HMBOX1: variants seen among roughly 807,000 people sequenced by gnomAD.
HMBOX1 encodes the protein homeobox containing 1.
HMBOX1 carries 14 observed loss-of-function variants against 54.5 expected under a neutral mutation model. The ratio of observed to expected loss-of-function variants is 0.26; its 90% CI spans 0.17 to 0.40. HMBOX1 has a LOEUF of 0.40. Among genes scored for constraint, HMBOX1 ranks in the 10% least tolerant of loss-of-function variants. HMBOX1 has a pLI of 1.00. For missense variants in HMBOX1, 332 were observed against 514.4 expected, an observed-to-expected ratio of 0.65 and a Z score of 3.43; for synonymous variants, 160 against 181.0, an observed-to-expected ratio of 0.88 and a Z score of 0.93.
intron 4 of HMBOX1, among the ~76,000 whole-genome samples, chr8:28,992,134 G>A (rs912729183): frequency 6.6e-6 from 1 of 152,134 alleles, no homozygotes; most frequent in African/African-American, 2.4e-5. Flanking sequence ...CGACTTTGAG[G>A]ATGGACTGTC....
chr8:28,954,573 C>G lies in HMBOX1; in HGVS notation c.-57-9238C>G, dbSNP rs74513622. ...TATGCCAAGCTGTACAATGTAAATT[C>G]AATTTTAAATCACCACTAACATATT... On this transcript the variant is annotated intron_variant, in intron 1 of 9. Transcript: ENST00000287701. Among the ~76,000 whole-genome samples, 870 of 152,272 alleles carry G rather than the reference C, an allele frequency of 5.7e-3. 4 individuals are homozygous for G. The highest frequency in any genetic ancestry group is 0.02 in the African/African-American group (845 of 41,528).
Position 29,050,232 on chromosome 8 carries a change from G to A in HMBOX1, c.1126-786G>A, listed in dbSNP as rs947163450. On this transcript the variant is annotated intron_variant, in intron 9 of 9. Transcript: ENST00000287701. ...TACCCTTTCCAAAGCTCTTTGATAC[G>A]GAGTTCCCCTGAAGATGACAGGTGA... 2.7e-5 allele frequency: 27 copies of A among 984,600 alleles called. No homozygotes were observed. The African/African-American group carries it at 3.5e-4, about 13-fold the overall frequency. The allele number at this position is 984,600 out of a possible 1,614,324, so 61.0% of individuals were successfully genotyped here. A position where few individuals can be genotyped will look rare whatever the true frequency, so the allele number is the denominator to read the frequency against.
intron 1 of HMBOX1, among the ~76,000 whole-genome samples, chr8:28,942,318 G>C (rs939544185): frequency 2.6e-5 from 4 of 152,186 alleles, no homozygotes. Flanking sequence ...GAGGGAGGGG[G>C]TCATTGCCAC....
intron 1 of HMBOX1, among the ~76,000 whole-genome samples, chr8:28,902,972 T>C (rs975088950): frequency 6.6e-6 from 1 of 152,244 alleles, no homozygotes; most frequent in African/African-American, 2.4e-5. Flanking sequence ...GATGGTGTCA[T>C]ACTACCACTT....
intron 4 of HMBOX1, among the ~76,000 whole-genome samples, chr8:28,992,963 C>T (rs1322415058): frequency 6.7e-6 from 1 of 148,946 alleles, no homozygotes; most frequent in African/African-American, 2.5e-5. Context: ...CCACATGAGA[C>T]TAATGTTAAC....
chr8:28,928,980 A>G (rs1231757552), intron 1 of HMBOX1, among the ~76,000 whole-genome samples: 1 of 152,208 alleles, frequency 6.6e-6, no homozygotes, highest in Non-Finnish European at 1.5e-5. Context: ...TATAAGATGA[A>G]TACGTTCTGG....
At chr8:28,893,583 A>G (rs1811470223) in intron 1 of HMBOX1, among the ~76,000 whole-genome samples, 1 of 152,212 alleles carries the variant, frequency 6.6e-6, no homozygotes, top group Non-Finnish European at 1.5e-5. Flanking sequence ...CTGCTGTACA[A>G]ACAGATTTCA....
intron 1 of HMBOX1, among the ~76,000 whole-genome samples, chr8:28,921,018 A>G (rs1166453296): frequency 6.6e-6 from 1 of 152,250 alleles, no homozygotes; most frequent in Non-Finnish European, 1.5e-5. Flanking sequence ...TTTAAAACAA[A>G]CATTTCATAA....
chr8:28,999,311 A>C (rs1364886906), intron 4 of HMBOX1, among the ~76,000 whole-genome samples: 1 of 152,114 alleles, frequency 6.6e-6, no homozygotes, highest in Non-Finnish European at 1.5e-5. Flanking sequence ...TTGACACTTC[A>C]AGATTTTTCT....
intron 5 of HMBOX1, among the ~76,000 whole-genome samples, chr8:29,015,942 C>CT (rs2132945091): frequency 6.6e-6 from 1 of 152,290 alleles, no homozygotes; most frequent in Non-Finnish European, 1.5e-5. Context: ...TTTGCCAACT[C>CT]TGTTTTAGGG....
At chr8:28,973,199 AT>A (rs1372962045) in intron 3 of HMBOX1, among the ~76,000 whole-genome samples, 3 of 152,156 alleles carry the variant, frequency 2.0e-5, no homozygotes, top group African/African-American at 7.2e-5. Context: ...GTCACTTATA[AT>A]CATTAAAACC....
chr8:28,919,070 G>A (rs1003916903), intron 1 of HMBOX1, among the ~76,000 whole-genome samples: 3 of 152,218 alleles, frequency 2.0e-5, no homozygotes, highest in African/African-American at 7.2e-5. Context: ...ACTGCTCAGT[G>A]TTCATGTCAT....
At chr8:28,995,522 G>C (rs1831677327) in intron 4 of HMBOX1, among the ~76,000 whole-genome samples, 1 of 152,190 alleles carries the variant, frequency 6.6e-6, no homozygotes, top group African/African-American at 2.4e-5. Context: ...CCTAGAAATA[G>C]AACTGCTGGG....
intron 1 of HMBOX1, among the ~76,000 whole-genome samples, chr8:28,892,044 TACA>T (rs1311434493): frequency 3.3e-5 from 5 of 152,184 alleles, no homozygotes; most frequent in Non-Finnish European, 7.4e-5. Context: ...CTTGGCTTCG[TACA>T]ACATTTCTCT....
intron 1 of HMBOX1, among the ~76,000 whole-genome samples, chr8:28,918,308 A>C (rs893491273): frequency 2.0e-5 from 3 of 152,122 alleles, no homozygotes; most frequent in East Asian, 3.9e-4. Context: ...GGTTCAAGAG[A>C]TTCTCCTGCC....
chr8:29,037,958 C>A (rs1406039582), intron 6 of HMBOX1, among the ~76,000 whole-genome samples: 1 of 152,176 alleles, frequency 6.6e-6, no homozygotes, highest in East Asian at 1.9e-4. Flanking sequence ...GTCTGGCAAT[C>A]CTAAAACCTT....
chr8:29,048,234 G>A (rs181551381), intron 8 of HMBOX1, among the ~76,000 whole-genome samples: 359 of 152,218 alleles, frequency 2.4e-3, no homozygotes, highest in African/African-American at 8.2e-3. Context: ...AAGAAATATG[G>A]ATTCTTGATG....
intron 4 of HMBOX1, among the ~76,000 whole-genome samples, chr8:29,002,913 T>C (rs1002128748): frequency 5.3e-5 from 8 of 152,174 alleles, no homozygotes; most frequent in African/African-American, 1.9e-4. Context: ...TTTCTCTTAA[T>C]TTTTCCCCTT....
intron 6 of HMBOX1, among the ~76,000 whole-genome samples, chr8:29,041,275 C>T (rs1804771402): frequency 6.6e-6 from 1 of 152,132 alleles, no homozygotes; most frequent in South Asian, 2.1e-4. Flanking sequence ...AACACTCTTG[C>T]TTCTTGGAGA....
Sources: allele counts gnomAD v4.1 joint callset (sites outside exome capture counted in the v4.1 genomes callset), GRCh38; gene constraint gnomAD v4.1.1; transcripts MANE v1.5; gene names NCBI Gene and HGNC (gene_info 2026-07-23, HGNC 2026-07-21).